The following NTF3 variants were observed in gnomAD, a reference collection of about 807,000 sequenced individuals.
NTF3 encodes neurotrophin-3.
A neutral mutation model predicts 26.3 loss-of-function variants in NTF3; 8 were observed. The ratio of observed to expected loss-of-function variants is 0.30; its 90% confidence interval spans 0.18 to 0.55. The LOEUF is 0.55. NTF3 is among the 20% of genes least tolerant of loss of function. The pLI is 0.93. For missense variants in NTF3, 276 were observed against 352.9 expected (o/e 0.78, Z 1.75); for synonymous variants, 154 against 145.5 (o/e 1.06, Z -0.42).
intron 1 of NTF3, among the ~76,000 whole-genome samples, chr12:5,452,630 G>T (rs947794764): frequency 4.6e-5 from 7 of 152,144 alleles, no homozygotes; most frequent in Non-Finnish European, 8.8e-5. Flanking sequence ...TTTAAAGAAA[G>T]ATGGTTATTC....
intron 1 of NTF3, among the ~76,000 whole-genome samples, chr12:5,468,019 A>T (rs1940614625): frequency 2.0e-5 from 3 of 151,714 alleles, no homozygotes; most frequent in African/African-American, 7.3e-5. Context: ...CTCTGATGAG[A>T]TTTCCTCTCT....
At chr12:5,445,636 T>C (rs1239822476) in intron 1 of NTF3, among the ~76,000 whole-genome samples, 1 of 152,218 alleles carries the variant, frequency 6.6e-6, no homozygotes, top group Non-Finnish European at 1.5e-5. Flanking sequence ...TAACAGTGAT[T>C]GCTCAGGATG....
intron 1 of NTF3, among the ~76,000 whole-genome samples, chr12:5,438,427 C>T (rs533055360): frequency 5.3e-5 from 8 of 152,296 alleles, no homozygotes; most frequent in Admixed American, 5.2e-4. Flanking sequence ...CTTTGGTTGT[C>T]CTCACAGGAC....
rs202205104 is a variant in NTF3, at chr12:5,494,535, C to A, written c.360C>A (p.Ser120Arg). Reference sequence around the variant, plus strand: ...ACAACTCACCGCGGGTCCTGCTGAGCGACAGCACCCCCTTGGAGCCCCCGC... The same window carrying A: ...ACAACTCACCGCGGGTCCTGCTGAGAGACAGCACCCCCTTGGAGCCCCCGC... ...RRYNSPRVLL[S>R]DSTPLEPPPL... The change falls in exon 2 of 2, where the codon AGC becomes AGA. Residue 120 changes from serine (S) to arginine (R), a missense_variant. Ser to Arg is a moderately radical substitution (Grantham distance 110). Transcript: ENST00000423158. The surrounding 1 kb of genome is among the most constrained non-coding windows in gnomAD (Gnocchi z 8.3). The A allele has an allele frequency of 6.2e-7, 1 of 1,613,966 alleles. No homozygotes were observed.
intron 1 of NTF3, among the ~76,000 whole-genome samples, chr12:5,436,393 AG>A (rs1940168857): frequency 6.6e-6 from 1 of 152,186 alleles, no homozygotes; most frequent in South Asian, 2.1e-4. Flanking sequence ...TTCTGAGAGC[AG>A]GGTGGTGAAG....
At chr12:5,435,330 T>G (rs1338985820) in intron 1 of NTF3, among the ~76,000 whole-genome samples, 16 of 152,240 alleles carry the variant, frequency 1.1e-4, no homozygotes, top group Admixed American at 1.0e-3. Flanking sequence ...CACACTGCCC[T>G]GGAAAAATTC....
chr12:5,481,547 A>T (rs966704016), intron 1 of NTF3, among the ~76,000 whole-genome samples: 21 of 12,940 alleles, frequency 1.6e-3, no homozygotes, highest in Non-Finnish European at 2.7e-3. Flanking sequence ...CACAGAATAC[A>T]TATATGCACA....
chr12:5,477,194 C>T (rs550711075), intron 1 of NTF3, among the ~76,000 whole-genome samples: 1 of 152,266 alleles, frequency 6.6e-6, no homozygotes, highest in East Asian at 1.9e-4. Context: ...TGTTTGAGAA[C>T]GTGGGTTTTG....
At chr12:5,432,523 G>A (rs1229876153) in intron 1 of NTF3, 181 bp downstream of exon 1, 2 of 207,308 alleles carry the variant, frequency 9.6e-6, no homozygotes, top group East Asian at 1.9e-4. Flanking sequence ...GCTGGGATCT[G>A]CTCAGGCCGA....
At chr12:5,450,677 G>A (rs892371223) in intron 1 of NTF3, among the ~76,000 whole-genome samples, 1 of 152,198 alleles carries the variant, frequency 6.6e-6, no homozygotes, top group Non-Finnish European at 1.5e-5. Flanking sequence ...AATCCTCACA[G>A]TACTCAATGA....
At chr12:5,436,092 C>G (rs1940164690) in intron 1 of NTF3, among the ~76,000 whole-genome samples, 1 of 152,126 alleles carries the variant, frequency 6.6e-6, no homozygotes, top group Non-Finnish European at 1.5e-5. Context: ...GGGTCCATAC[C>G]CTGAGATGGC....
chr12:5,458,467 C>T (rs1292150612), intron 1 of NTF3, among the ~76,000 whole-genome samples: 2 of 152,232 alleles, frequency 1.3e-5, no homozygotes, highest in Non-Finnish European at 2.9e-5. Flanking sequence ...ACAATTCCCA[C>T]TTGTTCCTAG....
intron 1 of NTF3, among the ~76,000 whole-genome samples, chr12:5,454,710 G>C (rs1252916184): frequency 6.6e-6 from 1 of 152,198 alleles, no homozygotes; most frequent in African/African-American, 2.4e-5. Flanking sequence ...TTAGCACAAT[G>C]CCTGCTTTGC....
At position 5,458,669 on chromosome 12, in the gene NTF3, A is replaced by G. The variant is rs73259337; in HGVS notation, c.18+26327A>G. Among the ~76,000 whole-genome samples the G allele has an allele frequency of 7.4e-4, 113 of 152,312 alleles. 1 individual carries two copies. Among genetic ancestry groups the G allele is most frequent in the African/African-American group, 2.6e-3 (110 of 41,564 alleles). On this transcript the variant is annotated intron_variant, in intron 1 of 1. Coordinates refer to ENST00000423158, the MANE Select transcript of NTF3 (RefSeq NM_001102654.2). ...TATGAATTCCCAGAACAGGTGACTA[A>G]CCCTCATTCACTTTGGCAAATGTTT... is the stretch of plus-strand genomic sequence containing the variant.
chr12:5,430,926 G>A (rs1286862536), upstream of NTF3, among the ~76,000 whole-genome samples: 1 of 151,928 alleles, frequency 6.6e-6, no homozygotes, highest in South Asian at 2.1e-4. Context: ...TCGGGAAGCG[G>A]GCAAGTGGGC....
intron 1 of NTF3, among the ~76,000 whole-genome samples, chr12:5,491,120 A>C (rs1163084486): frequency 6.6e-6 from 1 of 152,166 alleles, no homozygotes; most frequent in Non-Finnish European, 1.5e-5. Flanking sequence ...ACTCTCTGCC[A>C]TTGTTTAGCA....
chr12:5,464,332 G>T (rs1040784341), intron 1 of NTF3, among the ~76,000 whole-genome samples: 8 of 152,136 alleles, frequency 5.3e-5, no homozygotes, highest in Non-Finnish European at 8.8e-5. Context: ...GAGTCACTGT[G>T]GAAGAACTTT....
At chr12:5,455,680 G>A (rs1304109892) in intron 1 of NTF3, among the ~76,000 whole-genome samples, 1 of 152,104 alleles carries the variant, frequency 6.6e-6, no homozygotes, top group East Asian at 1.9e-4. Context: ...TCTATTCCCT[G>A]TTTAGATGGG....
intron 1 of NTF3, among the ~76,000 whole-genome samples, chr12:5,432,556 TAC>T (rs57075143): frequency 0.046 from 5,746 of 123,932 alleles, 175 homozygotes; most frequent in African/African-American, 0.063. Flanking sequence ...GCCACCCCGC[TAC>T]ACACACACAC....
Sources: gnomAD v4.1 joint callset for allele counts (sites outside exome capture counted in the v4.1 genomes callset) on GRCh38, gnomAD v4.1.1 for gene constraint, Gnocchi (gnomAD v3.1) non-coding constraint, MANE v1.5 for transcripts, NCBI Gene and HGNC (gene_info 2026-07-23, HGNC 2026-07-21) for gene names.